The following COLEC10 variants were observed in gnomAD, a reference collection of about 807,000 sequenced individuals.
COLEC10 encodes the protein collectin subfamily member 10, also known as collectin-10.
Under a neutral mutation model 28.4 loss-of-function variants are expected in COLEC10, and 22 were observed. The ratio of observed to expected loss-of-function variants is 0.78; its 90% CI spans 0.55 to 1.11. COLEC10 has a LOEUF of 1.11. Ranked by LOEUF, COLEC10 falls within the 50% of genes least tolerant of loss-of-function variation. The pLI, the probability that COLEC10 is intolerant of heterozygous loss-of-function variation, is 0.00. For synonymous variants in COLEC10, 125 were observed against 116.1 expected, an observed-to-expected ratio of 1.08 and a Z score of -0.49; for missense variants, 361 against 344.1, an observed-to-expected ratio of 1.05 and a Z score of -0.39.
At chr8:119,000,534 T>A (rs1211348980) in intron 1 of COLEC10, among the ~76,000 whole-genome samples, 1 of 151,832 alleles carries the variant, frequency 6.6e-6, no homozygotes, top group Non-Finnish European at 1.5e-5. Context: ...GGGAGAGAAG[T>A]AAAGTTAAGA....
chr8:119,028,015 G>T (rs76508452), intron 2 of COLEC10, among the ~76,000 whole-genome samples: 1 of 152,114 alleles, frequency 6.6e-6, no homozygotes, highest in Non-Finnish European at 1.5e-5. Flanking sequence ...CTGTGTCAAG[G>T]ATCTGTGTGA....
intron 2 of COLEC10, among the ~76,000 whole-genome samples, chr8:119,019,656 C>T (rs1342979087): frequency 6.6e-6 from 1 of 152,128 alleles, no homozygotes; most frequent in African/African-American, 2.4e-5. Flanking sequence ...CCATGACACA[C>T]CGCTGAACCT....
chr8:119,026,230 A>C (rs562130492), intron 2 of COLEC10, among the ~76,000 whole-genome samples: 2 of 152,132 alleles, frequency 1.3e-5, no homozygotes, highest in African/African-American at 4.8e-5. Context: ...AAGTTCTTTG[A>C]TTTTGGGAAG....
upstream of COLEC10, among the ~76,000 whole-genome samples, chr8:119,063,981 C>T (rs1202693840): frequency 1.3e-5 from 2 of 152,112 alleles, no homozygotes; most frequent in Non-Finnish European, 2.9e-5. Context: ...ACTTGATTGG[C>T]TTGTTGTCTA....
intron 2 of COLEC10, among the ~76,000 whole-genome samples, chr8:119,017,000 C>A (rs566096816): frequency 0.49 from 2,204 of 4,478 alleles, 50 homozygotes; most frequent in African/African-American, 0.51. Context: ...AGGGGTGAGC[C>A]ACGCACCTGG....
chr8:119,102,987 T>C (rs1011904145), intron 4 of COLEC10, among the ~76,000 whole-genome samples: 2 of 152,164 alleles, frequency 1.3e-5, no homozygotes, highest in Non-Finnish European at 2.9e-5. Context: ...TTCATATGAA[T>C]ATGGATACAT....
chr8:119,105,966 C>T lies in COLEC10; in HGVS notation c.609C>T (p.Gly203=). Residue 203 remains glycine (G), a synonymous_variant, in exon 6 of 6, where the codon GGC becomes GGT. Transcript: ENST00000332843. Reference sequence around the variant, plus strand: ...TCGCTGACTATGTTGCCAAGAGTGGCTTCTTTCGGGTGTTCATTGGCGTGA... The same window carrying T: ...TCGCTGACTATGTTGCCAAGAGTGGTTTCTTTCGGGTGTTCATTGGCGTGA... ...TLIADYVAKS[G]FFRVFIGVND... The T allele has an allele frequency of 6.2e-7, 1 of 1,613,860 alleles. No homozygotes were observed. The highest frequency in any genetic ancestry group is 8.5e-7 in the Non-Finnish European group (1 of 1,179,902).
chr8:119,017,053 A>C (rs1480353455), intron 2 of COLEC10, among the ~76,000 whole-genome samples: 1 of 152,156 alleles, frequency 6.6e-6, no homozygotes, highest in Non-Finnish European at 1.5e-5. Flanking sequence ...AACTAGCATG[A>C]AATGCTATCT....
chr8:119,037,469 T>C (rs1291398782), intron 2 of COLEC10, among the ~76,000 whole-genome samples: 1 of 152,198 alleles, frequency 6.6e-6, no homozygotes, highest in Non-Finnish European at 1.5e-5. Flanking sequence ...TCAGCACTGA[T>C]AGTATGACAC....
chr8:119,012,698 C>A (rs766672879), intron 2 of COLEC10, among the ~76,000 whole-genome samples: 30 of 150,368 alleles, frequency 2.0e-4, no homozygotes, highest in Non-Finnish European at 3.7e-4. Flanking sequence ...TGAGTTTTGG[C>A]AGATTGTGTT....
intron 1 of COLEC10, among the ~76,000 whole-genome samples, chr8:118,998,477 G>A (rs534833690): frequency 2.6e-5 from 4 of 151,992 alleles, no homozygotes; most frequent in South Asian, 2.1e-4. Flanking sequence ...CTGAGATAGC[G>A]CATGAATAGA....
intron 2 of COLEC10, among the ~76,000 whole-genome samples, chr8:119,049,293 A>G (rs1814634887): frequency 6.6e-6 from 1 of 152,132 alleles, no homozygotes; most frequent in African/African-American, 2.4e-5. Context: ...GAAATTCTCA[A>G]ACTCAAACAT....
intron 2 of COLEC10, among the ~76,000 whole-genome samples, chr8:119,049,090 T>A (rs569668740): frequency 6.6e-6 from 1 of 152,200 alleles, no homozygotes; most frequent in Non-Finnish European, 1.5e-5. Context: ...CCTTCCCTTA[T>A]GAAGCTTAGT....
At chr8:119,024,225 G>C (rs1326820809) in intron 2 of COLEC10, among the ~76,000 whole-genome samples, 1 of 152,058 alleles carries the variant, frequency 6.6e-6, no homozygotes, top group Non-Finnish European at 1.5e-5. Flanking sequence ...AAAGTTGATG[G>C]GTACCATTCA....
At chr8:119,054,535 GAACACA>G (rs1814731272) in intron 2 of COLEC10, among the ~76,000 whole-genome samples, 1 of 151,966 alleles carries the variant, frequency 6.6e-6, no homozygotes. Flanking sequence ...TAGAAGAACG[GAACACA>G]AAACCAATTT....
the COLEC10 span, among the ~76,000 whole-genome samples, chr8:118,985,709 T>C: frequency 1.3e-5 from 2 of 151,904 alleles, no homozygotes; most frequent in Non-Finnish European, 2.9e-5. Context: ...AAGAAAGAGA[T>C]AAAGAAAATC....
At chr8:119,035,550 T>C (rs950453003) in intron 2 of COLEC10, among the ~76,000 whole-genome samples, 5 of 91,318 alleles carry the variant, frequency 5.5e-5, no homozygotes, top group Non-Finnish European at 1.0e-4. Context: ...ACCTTTGATG[T>C]CCACAGAAAA....
intron 2 of COLEC10, among the ~76,000 whole-genome samples, chr8:119,019,640 A>G (rs1421014866): frequency 6.6e-6 from 1 of 152,058 alleles, no homozygotes; most frequent in Non-Finnish European, 1.5e-5. Flanking sequence ...CCTCTGCTCT[A>G]TACATCCATG....
chr8:118,980,079 T>C, the COLEC10 span, among the ~76,000 whole-genome samples: 1 of 152,108 alleles, frequency 6.6e-6, no homozygotes, highest in South Asian at 2.1e-4. Flanking sequence ...TCATATAATT[T>C]CTGCCATATT....
Sources: allele counts gnomAD v4.1 joint callset (sites outside exome capture counted in the v4.1 genomes callset), GRCh38; gene constraint gnomAD v4.1.1; transcripts MANE v1.5; gene names NCBI Gene and HGNC (gene_info 2026-07-23, HGNC 2026-07-21).